DIO1: variants seen among roughly 807,000 people sequenced by gnomAD.
DIO1 encodes iodothyronine deiodinase 1.
Under a neutral mutation model 25.9 loss-of-function variants are expected in DIO1, and 17 were observed. The ratio of observed to expected loss-of-function variants is 0.66; its 90% CI spans 0.45 to 0.98. DIO1 has a LOEUF of 0.98. DIO1 is among the 50% of genes least tolerant of loss of function. DIO1 has a pLI of 0.00. For missense variants in DIO1, 270 were observed against 310.4 expected (o/e 0.87, Z 0.98); for synonymous variants, 115 against 114.0 (o/e 1.01, Z -0.05).
Position 53,909,922 on chromosome 1 carries a change from C to T in DIO1, c.682-9C>T. On this transcript the variant is annotated splice_polypyrimidine_tract_variant and intron_variant, in intron 3 of 3. Transcript: ENST00000361921. ...CAAGTTGGGAATGCCTGATTCGTTT[C>T]TCTTGCAGGGTAAATCTGGCCCTTG... The T allele has an allele frequency of 6.2e-7, 1 of 1,614,040 alleles. No individual in the cohort carries two copies. Among genetic ancestry groups the T allele is most frequent in the Non-Finnish European group, 8.5e-7 (1 of 1,179,872 alleles).
chr1:53,895,530 T>C (rs1361112925), intron 1 of DIO1, among the ~76,000 whole-genome samples: 3 of 152,222 alleles, frequency 2.0e-5, no homozygotes, highest in African/African-American at 7.2e-5. Flanking sequence ...TTCTCTTTTT[T>C]GTCCTCCCAG....
chr1:53,896,260 C>T (rs1651073889), intron 1 of DIO1, among the ~76,000 whole-genome samples: 2 of 145,966 alleles, frequency 1.4e-5, no homozygotes, highest in African/African-American at 5.2e-5. Context: ...CTCTACTGCC[C>T]ACGCTGGAGT....
chr1:53,898,071 A>C (rs1651170147), intron 1 of DIO1, among the ~76,000 whole-genome samples: 1 of 152,310 alleles, frequency 6.6e-6, no homozygotes, highest in South Asian at 2.1e-4. Flanking sequence ...ACAGGGAAGC[A>C]GAGGGCACTG....
intron 2 of DIO1, 168 bp downstream of exon 2, chr1:53,904,977 A>T: frequency 1.5e-6 from 1 of 645,442 alleles, no homozygotes; most frequent in Non-Finnish European, 2.6e-6. Context: ...CACTGGGCTA[A>T]CCTCACAGTC....
intron 1 of DIO1, among the ~76,000 whole-genome samples, chr1:53,897,883 T>C (rs1651161082): frequency 6.6e-6 from 1 of 152,164 alleles, no homozygotes; most frequent in African/African-American, 2.4e-5. Flanking sequence ...AATTAAAAAT[T>C]TTTAATGGTA....
At position 53,908,873 on chromosome 1, in the gene DIO1, C is replaced by A. The variant is rs189574297; in HGVS notation, c.682-1058C>A. On this transcript the variant is annotated intron_variant, in intron 3 of 3. Transcript: ENST00000361921. ...TTGGGAGGCTGAGCCGGGCAGATCA[C>A]CTGAGGTCAGGAGTTCAAGACCAGC... Among the ~76,000 whole-genome samples the A allele has an allele frequency of 2.2e-3, 332 of 152,176 alleles. 3 individuals are homozygous for A. Among genetic ancestry groups the A allele is most frequent in the African/African-American group, 7.7e-3 (321 of 41,514 alleles).
intron 1 of DIO1, among the ~76,000 whole-genome samples, chr1:53,899,136 G>A (rs6588496): frequency 0.22 from 34,138 of 151,978 alleles, 4,018 homozygotes; most frequent in African/African-American, 0.29. Context: ...AAAACATCGA[G>A]TAACTGGCAT....
intron 2 of DIO1, among the ~76,000 whole-genome samples, chr1:53,905,562 A>G (rs978507954): frequency 2.0e-5 from 3 of 152,232 alleles, no homozygotes; most frequent in Non-Finnish European, 4.4e-5. Context: ...ATCATCTGGA[A>G]GGCTGTTAAA....
intron 1 of DIO1, among the ~76,000 whole-genome samples, chr1:53,896,368 C>T (rs1251853862): frequency 2.0e-5 from 3 of 152,002 alleles, no homozygotes; most frequent in South Asian, 4.2e-4. Context: ...CAAGTGCACA[C>T]CACAATGCTC....
At chr1:53,908,626 G>A (rs1367074233) in intron 3 of DIO1, among the ~76,000 whole-genome samples, 1 of 152,102 alleles carries the variant, frequency 6.6e-6, no homozygotes, top group East Asian at 1.9e-4. Flanking sequence ...AAATCACTGC[G>A]GTATAGGGAA....
intron 1 of DIO1, among the ~76,000 whole-genome samples, chr1:53,898,519 C>T (rs763369283): frequency 4.6e-5 from 7 of 151,946 alleles, no homozygotes; most frequent in Admixed American, 6.6e-5. Flanking sequence ...CCGAGGCCAG[C>T]GGGTCACTTG....
chr1:53,902,706 A>G (rs1651430296), intron 1 of DIO1, among the ~76,000 whole-genome samples: 1 of 151,812 alleles, frequency 6.6e-6, no homozygotes, highest in South Asian at 2.1e-4. Context: ...TCCTTGGTCT[A>G]GGATGGGGAG....
Position 53,904,780 on chromosome 1 carries a change from T to C in DIO1, c.452T>C (p.Val151Ala). The C allele has an allele frequency of 6.2e-7, 1 of 1,612,834 alleles. No homozygotes were observed. The highest frequency in any genetic ancestry group is 8.5e-7 in the Non-Finnish European group (1 of 1,179,502). The part of the protein sequence containing the change: ...EDFSSIADFL[V>A]IYIEEAHASD... ...TTTAGTTCCATAGCAGATTTTCTTG[T>C]CATTTACATTGAAGAAGCACATGCA... Residue 151 changes from valine to alanine, a missense_variant, in exon 2 of 4, where the codon GTC becomes GCC. Physicochemically the swap from Val to Ala is moderately conservative, Grantham distance 64 (BLOSUM62 0). Transcript: ENST00000361921.
chr1:53,906,446 T>C (rs910563691), intron 3 of DIO1, 152 bp downstream of exon 3: 7 of 672,502 alleles, frequency 1.0e-5, no homozygotes, highest in Non-Finnish European at 1.8e-5. Flanking sequence ...TTTCACTTCT[T>C]GGAGTTCCTT....
Position 53,894,647 on chromosome 1 carries a change from G to A in DIO1, c.337+100G>A. 2 of 1,156,740 alleles carry A rather than the reference G, an allele frequency of 1.7e-6. No homozygotes were observed. The highest frequency in any genetic ancestry group is 2.4e-6 in the Non-Finnish European group (2 of 832,720). 71.7% of individuals were successfully genotyped at this position (1,156,740 alleles called of 1,614,324 possible). A position where few individuals can be genotyped will look rare whatever the true frequency, so the allele number is the denominator to read the frequency against. The stretch of plus-strand genomic sequence containing the variant: ...AGTCCTGAATTCTCCTACTACTTTT[G>A]CTGCTCCTTTTGGACCTTCTTGTCC... On this transcript the variant is annotated intron_variant, in intron 1 of 3. Transcript: ENST00000361921. The surrounding 1 kb of genome is among the most constrained non-coding windows in gnomAD (Gnocchi z 4.9).
At chr1:53,896,598 G>C (rs1248315160) in intron 1 of DIO1, among the ~76,000 whole-genome samples, 1 of 152,194 alleles carries the variant, frequency 6.6e-6, no homozygotes, top group Non-Finnish European at 1.5e-5. Context: ...CCTGGTCAAA[G>C]TAGTTGGGAA....
Position 53,894,680 on chromosome 1 carries a change from G to A in DIO1, c.337+133G>A. ...TTTTGGACCTTCTTGTCCTCTTCCT[G>A]CTTCCTGAAACTAGAACTTCTTGTG... On this transcript the variant is annotated intron_variant, in intron 1 of 3. Coordinates refer to ENST00000361921, the MANE Select transcript of DIO1 (RefSeq NM_000792.7). The surrounding 1 kb of genome is among the most constrained non-coding windows in gnomAD (Gnocchi z 4.9). 1.2e-6 allele frequency: 1 copy of A among 809,176 alleles called. No individual in the cohort carries two copies. 50.1% of individuals were successfully genotyped at this position (809,176 alleles called of 1,614,324 possible).
intron 1 of DIO1, among the ~76,000 whole-genome samples, chr1:53,899,724 C>T (rs1387982081): frequency 6.6e-6 from 1 of 152,170 alleles, no homozygotes; most frequent in African/African-American, 2.4e-5. Flanking sequence ...GTTGCCCAGG[C>T]TGGAGTGCAA....
At chr1:53,895,491 G>A (rs568980173) in intron 1 of DIO1, among the ~76,000 whole-genome samples, 6 of 152,220 alleles carry the variant, frequency 3.9e-5, no homozygotes, top group Admixed American at 6.5e-5. Context: ...AACCAGTTTC[G>A]TCGACTTGAG....
Sources: allele counts gnomAD v4.1 joint callset (sites outside exome capture counted in the v4.1 genomes callset), GRCh38; gene constraint gnomAD v4.1.1; non-coding constraint Gnocchi (gnomAD v3.1); transcripts MANE v1.5; gene names NCBI Gene and HGNC (gene_info 2026-07-23, HGNC 2026-07-21).